The following MIS18BP1 variants were observed in gnomAD, a reference collection of about 807,000 sequenced individuals.
MIS18BP1 encodes the protein MIS18 binding protein 1, also known as mis18-binding protein 1.
MIS18BP1 carries 72 observed loss-of-function variants against 116.1 expected under a neutral mutation model. That is an observed-to-expected ratio of 0.62 (90% CI 0.51 to 0.75). The LOEUF (loss-of-function observed/expected upper bound fraction) is 0.75. Ranked by LOEUF, MIS18BP1 falls within the 30% of genes least tolerant of loss-of-function variation. The probability of loss-of-function intolerance (pLI) is 0.00; values close to 1 mark genes in which losing one functional copy is unlikely to be tolerated. For missense variants in MIS18BP1, 1,363 were observed against 1,303.2 expected (o/e 1.05, Z -0.71); for synonymous variants, 386 against 427.0 (o/e 0.90, Z 1.18).
At chr14:45,207,414 G>T (rs1463175805) in intron 14 of MIS18BP1, among the ~76,000 whole-genome samples, 4 of 152,200 alleles carry the variant, frequency 2.6e-5, no homozygotes. Flanking sequence ...ACTTTGGGAG[G>T]CTGAGGCTGG....
Position 45,247,327 on chromosome 14 carries a change from T to C in MIS18BP1, c.-41A>G, listed in dbSNP as rs776104611. 1 of 1,493,708 alleles carries C rather than the reference T, an allele frequency of 6.7e-7. No homozygotes were observed. Among genetic ancestry groups the C allele is most frequent in the Admixed American group, 2.4e-5 (1 of 42,368 alleles). 92.5% of individuals were successfully genotyped at this position (1,493,708 alleles called of 1,614,324 possible). ...GCAACCAAGTTCTTCTAACAGAAAA[T>C]TCACTTAAGCGCAATTTTCAGATAG... On this transcript the variant is annotated 5_prime_UTR_variant, in exon 2 of 17. Coordinates refer to ENST00000310806, the MANE Select transcript of MIS18BP1 (RefSeq NM_018353.5).
chr14:45,251,822 A>C (rs1891882433), intron 1 of MIS18BP1, among the ~76,000 whole-genome samples: 1 of 152,254 alleles, frequency 6.6e-6, no homozygotes, highest in South Asian at 2.1e-4. Context: ...GCAAACTAAA[A>C]CAGTGAGATT....
intron 14 of MIS18BP1, chr14:45,209,969 T>TGGTA (rs1263410591): frequency 2.6e-5 from 4 of 154,588 alleles, no homozygotes; most frequent in African/African-American, 9.6e-5. Context: ...TTGTAGTGGT[T>TGGTA]GGTACCAGGT....
chr14:45,218,070 C>T (rs957616662), intron 12 of MIS18BP1, among the ~76,000 whole-genome samples: 7 of 152,068 alleles, frequency 4.6e-5, no homozygotes, highest in Non-Finnish European at 8.8e-5. Context: ...TCCTAAAACT[C>T]GAAGCACAAG....
At chr14:45,214,533 C>A (rs1035549803) in intron 13 of MIS18BP1, among the ~76,000 whole-genome samples, 4 of 152,116 alleles carry the variant, frequency 2.6e-5, no homozygotes, top group African/African-American at 9.7e-5. Flanking sequence ...AGGGGCGCCG[C>A]CCGGGGCCTC....
chr14:45,218,477 AAAG>A (rs1458044790), intron 11 of MIS18BP1, 23 bp from the exon 12 acceptor site: 1 of 1,570,354 alleles, frequency 6.4e-7, no homozygotes, highest in African/African-American at 1.4e-5. Flanking sequence ...AAAACCAATT[AAAG>A]AATAAGAAAT....
intron 12 of MIS18BP1, 39 bp downstream of exon 12, chr14:45,218,243 C>G (rs771487416): frequency 2.5e-5 from 40 of 1,582,962 alleles, no homozygotes; most frequent in Non-Finnish European, 3.4e-5. Flanking sequence ...GAAATCAACA[C>G]TGAGTACTAG....
chr14:45,224,761 G>C lies in MIS18BP1; in HGVS notation c.1841-15C>G, dbSNP rs149107175. On this transcript the variant is annotated splice_polypyrimidine_tract_variant and intron_variant, in intron 10 of 16. Transcript: ENST00000310806. Reference sequence around the variant, plus strand: ...TTCAGTTGTCTCTTTAATTTCATAAGACAAAACCAAAGACCAAAATCTCAA... The same window carrying C: ...TTCAGTTGTCTCTTTAATTTCATAACACAAAACCAAAGACCAAAATCTCAA... 2 of 1,524,372 alleles carry C rather than the reference G, an allele frequency of 1.3e-6. No individual in the cohort carries two copies. The highest frequency in any genetic ancestry group is 2.3e-5 in the East Asian group (1 of 43,780). 94.4% of individuals were successfully genotyped at this position (1,524,372 alleles called of 1,614,324 possible).
Position 45,224,375 on chromosome 14 carries a change from T to G in MIS18BP1, c.2212A>C (p.Thr738Pro), listed in dbSNP as rs1222695342. The change falls in exon 11 of 17, where the codon ACC becomes CCC. Residue 738 changes from threonine (T) to proline (P), a missense_variant. Transcript: ENST00000310806. ...CTGGTATTTTTCTTAAAGTCAGAGG[T>G]GAGCATTTGTTCCTTTTCAAGGTTA... ...ISNLEKEQML[T>P]SDFKKNTRLL... The G allele has an allele frequency of 3.7e-6, 6 of 1,613,316 alleles. No homozygotes were observed. The highest frequency in any genetic ancestry group is 1.3e-5 in the African/African-American group (1 of 74,884).
At position 45,227,801 on chromosome 14, in the gene MIS18BP1, A is replaced by C. The variant is rs1891166818; in HGVS notation, c.1608T>G (p.Asn536Lys). 1.9e-6 allele frequency: 3 copies of C among 1,613,912 alleles called. No individual in the cohort carries two copies. Among genetic ancestry groups the C allele is most frequent in the Non-Finnish European group, 2.5e-6 (3 of 1,179,838 alleles). Residue 536 changes from asparagine to lysine, a missense_variant, in exon 9 of 17, where the codon AAT (asparagine) becomes AAG (lysine). Physicochemically the swap from Asn to Lys is moderately conservative, Grantham distance 94 (BLOSUM62 0). Transcript: ENST00000310806. Reference sequence around the variant, plus strand: ...TAGCTCCTGGTGACTCACTGTGCTTATTACTCTTCAGTTCTATGAATACAA... The same window carrying C: ...TAGCTCCTGGTGACTCACTGTGCTTCTTACTCTTCAGTTCTATGAATACAA... ...FDCDNLELKS[N>K]KHSESPGATE...
chr14:45,248,559 C>T (rs1891786268), intron 1 of MIS18BP1, among the ~76,000 whole-genome samples: 1 of 151,974 alleles, frequency 6.6e-6, no homozygotes, highest in South Asian at 2.1e-4. Context: ...AATTAGTTAA[C>T]ATCATATAAA....
At position 45,218,248 on chromosome 14, in the gene MIS18BP1, T is replaced by C. The variant is rs532225335; in HGVS notation, c.2842+34A>G. The C allele has an allele frequency of 6.5e-5, 103 of 1,596,280 alleles. 1 individual carries two copies. In the South Asian group the frequency reaches 1.1e-3, roughly 17 times the overall value. On this transcript the variant is annotated intron_variant, in intron 12 of 16. Transcript: ENST00000310806. ...TCAGTGATCAGAAATCAACACTGAG[T>C]ACTAGGAAAAAAACTATTTACTACG...
intron 10 of MIS18BP1, 22 bp from the exon 11 acceptor site, chr14:45,224,768 C>A: frequency 6.8e-7 from 1 of 1,478,230 alleles, no homozygotes; most frequent in Non-Finnish European, 9.1e-7. Context: ...TAAGACAAAA[C>A]CAAAGACCAA....
At chr14:45,230,116 CTCTT>C (rs1329262252) in intron 8 of MIS18BP1, among the ~76,000 whole-genome samples, 3 of 152,186 alleles carry the variant, frequency 2.0e-5, no homozygotes, top group Non-Finnish European at 4.4e-5. Context: ...GATTCCTGAA[CTCTT>C]TCAAGTTTTG....
At chr14:45,208,355 C>T (rs550274804) in intron 14 of MIS18BP1, among the ~76,000 whole-genome samples, 89 of 122,894 alleles carry the variant, frequency 7.2e-4, no homozygotes, top group Admixed American at 2.2e-3. Context: ...TTTTTGGAGA[C>T]GGAGTCTCGC....
intron 15 of MIS18BP1, among the ~76,000 whole-genome samples, chr14:45,204,750 A>T (rs1345769350): frequency 1.3e-5 from 2 of 152,062 alleles, no homozygotes; most frequent in African/African-American, 2.4e-5. Flanking sequence ...AAGTTGCCAA[A>T]ATGTGCTAAG....
chr14:45,233,152 T>C (rs1180438540), intron 6 of MIS18BP1, among the ~76,000 whole-genome samples: 3 of 152,090 alleles, frequency 2.0e-5, no homozygotes, highest in African/African-American at 7.2e-5. Context: ...ATCAGGGAAG[T>C]CTTCAATGAA....
chr14:45,234,759 C>T (rs560653953), intron 6 of MIS18BP1, among the ~76,000 whole-genome samples: 2 of 152,198 alleles, frequency 1.3e-5, no homozygotes, highest in East Asian at 3.9e-4. Context: ...GTGTTTTTCT[C>T]CAGTTATATT....
intron 12 of MIS18BP1, among the ~76,000 whole-genome samples, chr14:45,217,416 C>G (rs1890852733): frequency 1.3e-5 from 2 of 152,002 alleles, no homozygotes; most frequent in East Asian, 1.9e-4. Flanking sequence ...AGTGAGACCC[C>G]ATCTCTAAAA....
Sources: gnomAD v4.1 joint callset for allele counts (sites outside exome capture counted in the v4.1 genomes callset) on GRCh38, gnomAD v4.1.1 for gene constraint, MANE v1.5 for transcripts, NCBI Gene and HGNC (gene_info 2026-07-23, HGNC 2026-07-21) for gene names.